NEK11: variants seen among roughly 807,000 people sequenced by gnomAD.
NEK11 encodes the protein serine/threonine-protein kinase Nek11.
Under a neutral mutation model 80.7 loss-of-function variants are expected in NEK11, and 72 were observed. The observed-to-expected ratio is 0.89, with a 90% CI of 0.74 to 1.08. The LOEUF (loss-of-function observed/expected upper bound fraction) is 1.08. Ranked by LOEUF, NEK11 falls within the 50% of genes least tolerant of loss-of-function variation. NEK11 has a pLI of 0.00. For synonymous variants in NEK11, 251 were observed against 260.7 expected, an observed-to-expected ratio of 0.96 and a Z score of 0.36; for missense variants, 764 against 763.6, an observed-to-expected ratio of 1.00 and a Z score of -0.01.
At chr3:131,227,070 G>T (rs2095222013) in intron 14 of NEK11, among the ~76,000 whole-genome samples, 1 of 151,572 alleles carries the variant, frequency 6.6e-6, no homozygotes, top group South Asian at 2.1e-4. Flanking sequence ...AAAATACGCT[G>T]TGTTGAAATT....
chr3:131,290,828 A>G (rs899121488), intron 17 of NEK11, among the ~76,000 whole-genome samples: 1 of 152,110 alleles, frequency 6.6e-6, no homozygotes, highest in African/African-American at 2.4e-5. Flanking sequence ...TGAGAGGAAG[A>G]TACAGAGATT....
chr3:131,168,698 C>A (rs2092460597), intron 12 of NEK11, 132 bp from the exon 13 acceptor site: 2 of 610,306 alleles, frequency 3.3e-6, no homozygotes, highest in Admixed American at 6.2e-5. Context: ...TCCTATGCTG[C>A]TGGTCTGTTT....
intron 17 of NEK11, among the ~76,000 whole-genome samples, chr3:131,328,107 G>A (rs562634132): frequency 6.6e-6 from 1 of 152,020 alleles, no homozygotes; most frequent in South Asian, 2.1e-4. Context: ...AACATAGCAA[G>A]ACACCCTTGT....
intron 17 of NEK11, among the ~76,000 whole-genome samples, chr3:131,299,199 T>C (rs1429416164): frequency 6.6e-6 from 1 of 152,212 alleles, no homozygotes; most frequent in Non-Finnish European, 1.5e-5. Flanking sequence ...ATTTAATTTA[T>C]AGGTGGCTTT....
Position 131,098,011 on chromosome 3 carries a change from A to G in NEK11, c.337-11792A>G, listed in dbSNP as rs1235836764. On this transcript the variant is annotated intron_variant, in intron 4 of 17. Transcript: ENST00000383366. ...TCAGAAATAATGCCGCATATCTACAACTATCTGATCTTTGACAAACCTGAG... is the reference window on the plus strand; with the variant it reads ...TCAGAAATAATGCCGCATATCTACAGCTATCTGATCTTTGACAAACCTGAG... 4.8e-5 allele frequency among the ~76,000 whole-genome samples: 7 copies of G among 145,588 alleles called. 1 individual carries two copies. Among genetic ancestry groups the G allele is most frequent in the African/African-American group, 1.7e-4 (7 of 40,602 alleles).
chr3:131,204,903 T>C (rs2094397788), intron 14 of NEK11, among the ~76,000 whole-genome samples: 1 of 152,146 alleles, frequency 6.6e-6, no homozygotes, highest in Non-Finnish European at 1.5e-5. Context: ...GGAGAGGGCA[T>C]TGAACCTTGT....
chr3:131,193,603 A>G (rs1197240233), intron 14 of NEK11, among the ~76,000 whole-genome samples: 1 of 152,172 alleles, frequency 6.6e-6, no homozygotes, highest in Non-Finnish European at 1.5e-5. Flanking sequence ...TTTGAATTTC[A>G]TGGGTGTGAA....
chr3:131,110,682 C>T (rs7643669), intron 5 of NEK11, among the ~76,000 whole-genome samples: 27,533 of 151,792 alleles, frequency 0.18, 2,561 homozygotes, highest in African/African-American at 0.22. Flanking sequence ...TGGAAGTGGG[C>T]GTTAACACAT....
chr3:131,201,906 C>T (rs2150385044), intron 14 of NEK11, among the ~76,000 whole-genome samples: 1 of 152,272 alleles, frequency 6.6e-6, no homozygotes, highest in Non-Finnish European at 1.5e-5. Flanking sequence ...ACAATCTCTG[C>T]TCGCTGCAAT....
chr3:131,278,909 C>G (rs1288021511), intron 17 of NEK11, among the ~76,000 whole-genome samples: 2 of 152,060 alleles, frequency 1.3e-5, no homozygotes, highest in African/African-American at 2.4e-5. Context: ...CCCCCTCCCT[C>G]CTGAATCAGA....
chr3:131,086,641 A>G (rs941350427), intron 4 of NEK11, among the ~76,000 whole-genome samples: 1 of 152,186 alleles, frequency 6.6e-6, no homozygotes, highest in Non-Finnish European at 1.5e-5. Flanking sequence ...CATTTTACAG[A>G]TGAAGAAACA....
chr3:131,184,597 A>G (rs144404923), intron 14 of NEK11: 78 of 329,232 alleles, frequency 2.4e-4, no homozygotes, highest in African/African-American at 1.6e-3. Flanking sequence ...CATTTCACGC[A>G]GAGATTAATT....
intron 5 of NEK11, among the ~76,000 whole-genome samples, chr3:131,114,533 C>T (rs1220461200): frequency 1.3e-5 from 2 of 152,182 alleles, no homozygotes; most frequent in African/African-American, 4.8e-5. Context: ...GGCTTTACTC[C>T]TGGTGGAGGG....
At chr3:131,262,554 A>G (rs1242745443) in intron 16 of NEK11, among the ~76,000 whole-genome samples, 2 of 152,140 alleles carry the variant, frequency 1.3e-5, no homozygotes, top group African/African-American at 4.8e-5. Context: ...AACCTGTAGT[A>G]CAATGTTATA....
rs190627905 is a variant in NEK11, at chr3:131,053,990, A to C, written c.170+24112A>C. On this transcript the variant is annotated intron_variant, in intron 3 of 17. Transcript: ENST00000383366. ...GGACACACATTTAAAGTTGTGGTGA[A>C]CATCTTTCCAAGCTGCCAGTGTGTC... Among the ~76,000 whole-genome samples the C allele has an allele frequency of 2.0e-4, 31 of 152,376 alleles. No homozygotes were observed. In the East Asian group the frequency reaches 6.0e-3, roughly 29 times the overall value.
intron 14 of NEK11, among the ~76,000 whole-genome samples, chr3:131,191,101 T>C (rs931229335): frequency 5.9e-5 from 9 of 152,180 alleles, no homozygotes; most frequent in African/African-American, 9.7e-5. Flanking sequence ...TTATCTAAAG[T>C]TCAGCAACTA....
chr3:131,201,403 T>G (rs2094221067), intron 14 of NEK11, among the ~76,000 whole-genome samples: 1 of 152,116 alleles, frequency 6.6e-6, no homozygotes, highest in South Asian at 2.1e-4. Flanking sequence ...GTTTTGCAAG[T>G]ATTTGCTTTA....
intron 17 of NEK11, among the ~76,000 whole-genome samples, chr3:131,280,841 A>C (rs1049452944): frequency 1.3e-5 from 2 of 152,146 alleles, no homozygotes; most frequent in African/African-American, 4.8e-5. Context: ...GTTATGTGGG[A>C]CCAGGGCAGC....
At chr3:131,317,726 G>C (rs2096854680) in intron 17 of NEK11, among the ~76,000 whole-genome samples, 1 of 145,034 alleles carries the variant, frequency 6.9e-6, no homozygotes, top group Admixed American at 7.1e-5. Context: ...GAAACCCTTG[G>C]GTGACATAGT....
Sources: gnomAD v4.1 joint callset for allele counts (sites outside exome capture counted in the v4.1 genomes callset) on GRCh38, gnomAD v4.1.1 for gene constraint, MANE v1.5 for transcripts, NCBI Gene and HGNC (gene_info 2026-07-23, HGNC 2026-07-21) for gene names.